PLEKHA2: variants seen among roughly 807,000 people sequenced by gnomAD.
PLEKHA2 encodes pleckstrin homology domain-containing family A member 2.
A neutral mutation model predicts 53.2 loss-of-function variants in PLEKHA2; 28 were observed. That is an observed-to-expected ratio of 0.53 (90% CI 0.39 to 0.72). The LOEUF is 0.72. Ranked by LOEUF, PLEKHA2 falls within the 30% of genes least tolerant of loss-of-function variation. The probability of loss-of-function intolerance (pLI) is 0.00; values close to 1 mark genes in which losing one functional copy is unlikely to be tolerated. For synonymous variants in PLEKHA2, 193 were observed against 196.4 expected, an observed-to-expected ratio of 0.98 and a Z score of 0.14; for missense variants, 426 against 537.9, an observed-to-expected ratio of 0.79 and a Z score of 2.06.
At chr8:38,957,823 G>T (rs953400972) in intron 10 of PLEKHA2, among the ~76,000 whole-genome samples, 11 of 152,186 alleles carry the variant, frequency 7.2e-5, no homozygotes, top group African/African-American at 2.7e-4. Flanking sequence ...CATTGTTCAG[G>T]CTCTGATGGT....
At chr8:38,928,825 G>A (rs980565821) in intron 2 of PLEKHA2, among the ~76,000 whole-genome samples, 4 of 152,152 alleles carry the variant, frequency 2.6e-5, no homozygotes, top group Admixed American at 1.3e-4. Flanking sequence ...GTGTGTCCCC[G>A]CGTTAGCATC....
chr8:38,947,268 T>A (rs1289158039), intron 5 of PLEKHA2, among the ~76,000 whole-genome samples: 2 of 152,064 alleles, frequency 1.3e-5, no homozygotes, highest in African/African-American at 4.8e-5. Context: ...GTGGCCAACA[T>A]AGTGAAACCC....
At chr8:38,929,352 C>T (rs1021244415) in intron 2 of PLEKHA2, among the ~76,000 whole-genome samples, 1 of 152,246 alleles carries the variant, frequency 6.6e-6, no homozygotes, top group African/African-American at 2.4e-5. Flanking sequence ...GGACAAGTTC[C>T]TGCCCTGCCC....
chr8:38,911,590 G>C lies in PLEKHA2; in HGVS notation c.-23-6317G>C, dbSNP rs555138534. 2.0e-5 allele frequency among the ~76,000 whole-genome samples: 3 copies of C among 152,262 alleles called. No individual in the cohort carries two copies. The South Asian group carries it at 6.2e-4, about 32-fold the overall frequency. ...AGGAGATGAGGGCTGGGTATTGTCAGGATGCCCACAGGCTTACCTGGGAAC... is the reference window on the plus strand; with the variant it reads ...AGGAGATGAGGGCTGGGTATTGTCACGATGCCCACAGGCTTACCTGGGAAC... On this transcript the variant is annotated intron_variant, in intron 1 of 11. Transcript: ENST00000617275.
At chr8:38,918,447 C>T (rs530484290) in intron 2 of PLEKHA2, among the ~76,000 whole-genome samples, 17 of 144,064 alleles carry the variant, frequency 1.2e-4, no homozygotes, top group African/African-American at 4.4e-4. Flanking sequence ...ACACACACAA[C>T]CCATACACCA....
chr8:38,953,878 G>A (rs527698608), intron 9 of PLEKHA2, among the ~76,000 whole-genome samples: 2 of 152,310 alleles, frequency 1.3e-5, no homozygotes, highest in South Asian at 4.1e-4. Context: ...CACTGGGAAG[G>A]AAGAACAGGT....
intron 5 of PLEKHA2, among the ~76,000 whole-genome samples, chr8:38,947,311 G>A (rs1177502688): frequency 2.0e-5 from 3 of 152,070 alleles, no homozygotes; most frequent in African/African-American, 4.8e-5. Context: ...TTAGCTGGGC[G>A]TGGTGGCACA....
At position 38,948,994 on chromosome 8, in the gene PLEKHA2, C is replaced by T. The variant is rs1315349312; in HGVS notation, c.346-1856C>T. Reference sequence around the variant, plus strand: ...CAAGCGATTCTCCTGCCTCAGCCTCCTGAGTAGCTGGGGTTACAGGTGCCC... The same window carrying T: ...CAAGCGATTCTCCTGCCTCAGCCTCTTGAGTAGCTGGGGTTACAGGTGCCC... On this transcript the variant is annotated intron_variant, in intron 5 of 11. Transcript: ENST00000617275. Among the ~76,000 whole-genome samples the T allele has an allele frequency of 2.6e-5, 4 of 152,198 alleles. No individual in the cohort carries two copies. In the East Asian group the frequency reaches 7.7e-4, roughly 29 times the overall value.
At chr8:38,904,947 C>T (rs1434470253) in intron 1 of PLEKHA2, among the ~76,000 whole-genome samples, 1 of 152,210 alleles carries the variant, frequency 6.6e-6, no homozygotes, top group Admixed American at 6.5e-5. Flanking sequence ...TCATTTAATC[C>T]TCACAGCAGC....
chr8:38,908,058 A>G, intron 1 of PLEKHA2, among the ~76,000 whole-genome samples: 1 of 152,146 alleles, frequency 6.6e-6, no homozygotes, highest in East Asian at 1.9e-4. Context: ...CCAAGTTTCA[A>G]GAAGGAAAAC....
intron 3 of PLEKHA2, among the ~76,000 whole-genome samples, chr8:38,940,649 G>GT (rs1588258087): frequency 2.0e-4 from 13 of 64,446 alleles, no homozygotes; most frequent in Admixed American, 1.0e-3. Context: ...GATTGAAGGG[G>GT]CGGGGGGGGG....
chr8:38,906,099 G>C (rs1833869291), intron 1 of PLEKHA2, among the ~76,000 whole-genome samples: 1 of 152,254 alleles, frequency 6.6e-6, no homozygotes, highest in Admixed American at 6.5e-5. Context: ...GCTGTTGTTA[G>C]GAAGCCCAAT....
Position 38,957,399 on chromosome 8 carries a change from C to G in PLEKHA2, c.837+13C>G. 6.2e-7 allele frequency: 1 copy of G among 1,603,884 alleles called. No individual in the cohort carries two copies. The highest frequency in any genetic ancestry group is 1.7e-5 in the Admixed American group (1 of 59,860). On this transcript the variant is annotated intron_variant, in intron 10 of 11. Coordinates refer to ENST00000617275, the MANE Select transcript of PLEKHA2 (RefSeq NM_021623.2). ...CTTCTACGTACAGGTAAAATGCTCCCTTCCAGAAGACTCCAGCATTCTGTT... is the reference window on the plus strand; with the variant it reads ...CTTCTACGTACAGGTAAAATGCTCCGTTCCAGAAGACTCCAGCATTCTGTT...
chr8:38,952,428 C>T (rs1326961656), intron 7 of PLEKHA2, 116 bp downstream of exon 7: 29 of 1,448,216 alleles, frequency 2.0e-5, no homozygotes, highest in Non-Finnish European at 1.9e-6. Context: ...CTCCATGGAG[C>T]CTCCACCTTT....
chr8:38,911,244 C>CTT (rs11368379), intron 1 of PLEKHA2, among the ~76,000 whole-genome samples: 16 of 148,668 alleles, frequency 1.1e-4, no homozygotes, highest in African/African-American at 2.2e-4. Flanking sequence ...TGAACACTTT[C>CTT]TTTTTTTTTT....
At chr8:38,931,671 G>T (rs574627451) in intron 2 of PLEKHA2, among the ~76,000 whole-genome samples, 1 of 152,236 alleles carries the variant, frequency 6.6e-6, no homozygotes, top group South Asian at 2.1e-4. Flanking sequence ...GGACTGGTTG[G>T]GAACTTCACC....
At chr8:38,948,686 T>G (rs1834763875) in intron 5 of PLEKHA2, among the ~76,000 whole-genome samples, 1 of 152,154 alleles carries the variant, frequency 6.6e-6, no homozygotes. Flanking sequence ...AGCTCTGAGC[T>G]CGGATCCTTA....
At chr8:38,959,750 A>G (rs187674674) in intron 10 of PLEKHA2, among the ~76,000 whole-genome samples, 2 of 152,348 alleles carry the variant, frequency 1.3e-5, no homozygotes, top group East Asian at 3.9e-4. Context: ...TATATTTTCC[A>G]GGACTTGAGA....
intron 1 of PLEKHA2, among the ~76,000 whole-genome samples, chr8:38,904,328 C>A (rs972878063): frequency 6.6e-6 from 1 of 152,336 alleles, no homozygotes; most frequent in Admixed American, 6.5e-5. Flanking sequence ...CCAGTGTGGG[C>A]AAAAGGCTTG....
Sources: allele counts gnomAD v4.1 joint callset (sites outside exome capture counted in the v4.1 genomes callset), GRCh38; gene constraint gnomAD v4.1.1; transcripts MANE v1.5; gene names NCBI Gene and HGNC (gene_info 2026-07-23, HGNC 2026-07-21).